The following SEMA6D variants were observed in gnomAD, a reference collection of about 807,000 sequenced individuals.
The protein encoded by SEMA6D is semaphorin 6D.
A neutral mutation model predicts 106.6 loss-of-function variants in SEMA6D; 35 were observed. The ratio of observed to expected loss-of-function variants is 0.33; its 90% CI spans 0.25 to 0.44. The LOEUF (loss-of-function observed/expected upper bound fraction) is 0.44, where lower values mean the gene tolerates loss of function less well. SEMA6D is among the 20% of genes least tolerant of loss of function. SEMA6D has a pLI of 1.00. For missense variants in SEMA6D, 1,185 were observed against 1,345.9 expected (o/e 0.88, Z 1.87); for synonymous variants, 499 against 487.7 (o/e 1.02, Z -0.31).
At chr15:47,307,372 C>T (rs1314429954) in intron 1 of SEMA6D, among the ~76,000 whole-genome samples, 1 of 152,108 alleles carries the variant, frequency 6.6e-6, no homozygotes, top group Admixed American at 6.6e-5. Context: ...GACAGGGAAC[C>T]TGGAAAAAGA....
At chr15:47,186,279 G>A (rs1893567197) in intron 1 of SEMA6D, among the ~76,000 whole-genome samples, 1 of 152,122 alleles carries the variant, frequency 6.6e-6, no homozygotes, top group Non-Finnish European at 1.5e-5. Context: ...CTCTATGACG[G>A]CAGTCTGATT....
At chr15:47,220,579 A>G (rs746724261) in intron 1 of SEMA6D, among the ~76,000 whole-genome samples, 4 of 152,146 alleles carry the variant, frequency 2.6e-5, no homozygotes, top group Non-Finnish European at 4.4e-5. Flanking sequence ...CCAAACTGCT[A>G]TAATGAAATG....
chr15:47,747,040 A>G (rs1311400840), intron 1 of SEMA6D, among the ~76,000 whole-genome samples: 4 of 147,574 alleles, frequency 2.7e-5, no homozygotes, highest in African/African-American at 9.8e-5. Context: ...TTATACTTTC[A>G]CAAAGCAAGT....
chr15:47,222,591 A>G (rs2031304752), intron 1 of SEMA6D, among the ~76,000 whole-genome samples: 2 of 152,210 alleles, frequency 1.3e-5, no homozygotes, highest in South Asian at 4.1e-4. Flanking sequence ...GTTATTCTGT[A>G]CCATCAAGAA....
chr15:47,506,634 C>A (rs1208621532), intron 3 of SEMA6D, among the ~76,000 whole-genome samples: 1 of 98,190 alleles, frequency 1.0e-5, no homozygotes, highest in African/African-American at 4.4e-5. Context: ...ACACACACAG[C>A]GTTATCGACT....
chr15:47,327,372 A>G (rs1180947623), intron 1 of SEMA6D, among the ~76,000 whole-genome samples: 1 of 152,032 alleles, frequency 6.6e-6, no homozygotes, highest in Non-Finnish European at 1.5e-5. Flanking sequence ...ATACCCTCAT[A>G]TTTTCTAACT....
chr15:47,386,972 A>T (rs906668057), intron 1 of SEMA6D, among the ~76,000 whole-genome samples: 1 of 152,222 alleles, frequency 6.6e-6, no homozygotes, highest in South Asian at 2.1e-4. Context: ...AAACACTGTC[A>T]TTGTGGGTGT....
chr15:47,426,590 A>G (rs1157151941), intron 2 of SEMA6D, among the ~76,000 whole-genome samples: 1 of 152,280 alleles, frequency 6.6e-6, no homozygotes, highest in South Asian at 2.1e-4. Context: ...AAGCACAGGA[A>G]TACAGAAGGA....
At chr15:47,278,756 T>C (rs919291625) in intron 1 of SEMA6D, among the ~76,000 whole-genome samples, 3 of 150,520 alleles carry the variant, frequency 2.0e-5, no homozygotes, top group Admixed American at 6.6e-5. Context: ...GGTCTAACGT[T>C]TAAGTCTTTA....
At chr15:47,483,983 G>A (rs145542903) in intron 3 of SEMA6D, among the ~76,000 whole-genome samples, 664 of 152,128 alleles carry the variant, frequency 4.4e-3, no homozygotes, top group Non-Finnish European at 6.7e-3. Flanking sequence ...GTCTTCCTGT[G>A]TGCAAAAATC....
intron 3 of SEMA6D, among the ~76,000 whole-genome samples, chr15:47,587,238 G>A (rs984263871): frequency 3.3e-5 from 5 of 152,196 alleles, no homozygotes; most frequent in Admixed American, 6.5e-5. Flanking sequence ...CACCCCACCC[G>A]TCACGGCTCT....
chr15:47,696,541 G>A (rs183522427), intron 4 of SEMA6D, among the ~76,000 whole-genome samples: 1 of 152,168 alleles, frequency 6.6e-6, no homozygotes, highest in African/African-American at 2.4e-5. Context: ...TTGTCTTGCT[G>A]CCAAAGATGA....
At chr15:47,580,284 A>G (rs2076233522) in intron 3 of SEMA6D, among the ~76,000 whole-genome samples, 1 of 152,066 alleles carries the variant, frequency 6.6e-6, no homozygotes, top group African/African-American at 2.4e-5. Flanking sequence ...ACATAACACT[A>G]TGCTCCATGT....
chr15:47,254,623 G>A (rs2033699621), intron 1 of SEMA6D, among the ~76,000 whole-genome samples: 1 of 151,996 alleles, frequency 6.6e-6, no homozygotes, highest in Non-Finnish European at 1.5e-5. Context: ...TGTTTTTATA[G>A]TGAAAGATGT....
chr15:47,211,398 T>C (rs2030003999), intron 1 of SEMA6D, among the ~76,000 whole-genome samples: 1 of 152,208 alleles, frequency 6.6e-6, no homozygotes, highest in Non-Finnish European at 1.5e-5. Context: ...AAAGCTACTT[T>C]ATACACAAAA....
intron 4 of SEMA6D, among the ~76,000 whole-genome samples, chr15:47,624,954 C>T (rs540860797): frequency 9.3e-4 from 142 of 152,280 alleles, no homozygotes; most frequent in Non-Finnish European, 1.8e-3. Flanking sequence ...TCAAACAATG[C>T]GGCTACATCA....
chr15:47,266,896 T>A (rs2034346610), intron 1 of SEMA6D, among the ~76,000 whole-genome samples: 1 of 152,144 alleles, frequency 6.6e-6, no homozygotes, highest in African/African-American at 2.4e-5. Flanking sequence ...TTTGAATAAA[T>A]GTTTTCTCAT....
chr15:47,420,484 C>T (rs2041117376), intron 2 of SEMA6D, among the ~76,000 whole-genome samples: 1 of 151,986 alleles, frequency 6.6e-6, no homozygotes. Context: ...ACTGCCTTCT[C>T]CCCCTCTGTG....
intron 4 of SEMA6D, among the ~76,000 whole-genome samples, chr15:47,695,252 T>C (rs1452083981): frequency 6.6e-6 from 1 of 152,200 alleles, no homozygotes; most frequent in Non-Finnish European, 1.5e-5. Context: ...AAAAAGATAA[T>C]GTGCCCCTGT....
Sources: allele counts gnomAD v4.1 joint callset (sites outside exome capture counted in the v4.1 genomes callset), GRCh38; gene constraint gnomAD v4.1.1; transcripts MANE v1.5; gene names NCBI Gene and HGNC (gene_info 2026-07-23, HGNC 2026-07-21).